MGAT4C: variants seen among roughly 807,000 people sequenced by gnomAD.
MGAT4C encodes alpha-1,3-mannosyl-glycoprotein 4-beta-N-acetylglucosaminyltransferase C.
A neutral mutation model predicts 40.1 loss-of-function variants in MGAT4C; 19 were observed. The observed-to-expected ratio is 0.47, with a 90% CI of 0.33 to 0.70. The LOEUF is 0.70. Ranked by LOEUF, MGAT4C falls within the 30% of genes least tolerant of loss-of-function variation. MGAT4C has a pLI of 0.02. For synonymous variants in MGAT4C, 181 were observed against 187.1 expected (o/e 0.97, Z 0.27); for missense variants, 491 against 563.2 (o/e 0.87, Z 1.30).
chr12:86,606,929 A>C (rs1175459335), intron 2 of MGAT4C, among the ~76,000 whole-genome samples: 1 of 152,132 alleles, frequency 6.6e-6, no homozygotes, highest in Non-Finnish European at 1.5e-5. Flanking sequence ...AGATGGTTCA[A>C]TAATTCATAA....
intron 2 of MGAT4C, among the ~76,000 whole-genome samples, chr12:86,543,551 G>A (rs1168779718): frequency 6.6e-6 from 1 of 151,784 alleles, no homozygotes; most frequent in African/African-American, 2.4e-5. Context: ...ATAGTACTAA[G>A]TACTTTTTCC....
chr12:86,011,930 A>G, intron 2 of MGAT4C: 1 of 876,636 alleles, frequency 1.1e-6, no homozygotes, highest in Non-Finnish European at 1.4e-6. Flanking sequence ...ACAAATGAAG[A>G]TGAGTTACTT....
intron 1 of MGAT4C, among the ~76,000 whole-genome samples, chr12:86,767,227 C>A (rs1268862894): frequency 2.6e-5 from 4 of 152,140 alleles, no homozygotes; most frequent in African/African-American, 4.8e-5. Context: ...TCAGAGAATA[C>A]TACAAACACC....
intron 4 of MGAT4C, among the ~76,000 whole-genome samples, chr12:86,333,815 T>C (rs1954726379): frequency 6.6e-6 from 1 of 152,170 alleles, no homozygotes; most frequent in Admixed American, 6.6e-5. Context: ...TGTAAAACCA[T>C]ATGCCTTAAA....
chr12:86,763,757 A>G (rs953659525), intron 1 of MGAT4C, among the ~76,000 whole-genome samples: 1 of 152,204 alleles, frequency 6.6e-6, no homozygotes, highest in Non-Finnish European at 1.5e-5. Context: ...TAACTGCAGA[A>G]TTCCTGACAC....
intron 2 of MGAT4C, among the ~76,000 whole-genome samples, chr12:86,625,021 C>T (rs1207681492): frequency 4.6e-5 from 7 of 152,014 alleles, no homozygotes; most frequent in Non-Finnish European, 1.0e-4. Context: ...TTTCCCCATG[C>T]TGGTCTCGTG....
intron 2 of MGAT4C, among the ~76,000 whole-genome samples, chr12:86,444,625 C>G (rs1031864574): frequency 1.1e-4 from 16 of 152,176 alleles, no homozygotes; most frequent in African/African-American, 3.9e-4. Flanking sequence ...TCTTCCATAT[C>G]TTAACATGGA....
At chr12:86,783,850 G>A (rs1309296754) in intron 1 of MGAT4C, among the ~76,000 whole-genome samples, 2 of 152,080 alleles carry the variant, frequency 1.3e-5, no homozygotes, top group Admixed American at 6.6e-5. Context: ...TAGTAGTACT[G>A]GCCGACTATT....
rs534086846 is a variant in MGAT4C, at chr12:86,421,279, T to A, written c.-120+13878A>T. On this transcript the variant is annotated intron_variant, in intron 3 of 7. Coordinates refer to the MGAT4C transcript ENST00000548651. Reference sequence around the variant, plus strand: ...ATACCTATGGTTCGGATAATTGTTCTACCCCTTGCTGGTAAAGTGACATTT... The same window carrying A: ...ATACCTATGGTTCGGATAATTGTTCAACCCCTTGCTGGTAAAGTGACATTT... 5.1e-4 allele frequency among the ~76,000 whole-genome samples: 77 copies of A among 152,324 alleles called. 1 individual carries two copies. Among genetic ancestry groups the A allele is most frequent in the African/African-American group, 1.8e-3 (73 of 41,576 alleles).
At chr12:86,332,381 G>T (rs946168216) in intron 4 of MGAT4C, among the ~76,000 whole-genome samples, 1 of 150,120 alleles carries the variant, frequency 6.7e-6, no homozygotes, top group East Asian at 2.0e-4. Context: ...ATGAAGAACG[G>T]ATTTTTTTTT....
chr12:86,035,402 C>A (rs960105401), intron 2 of MGAT4C, among the ~76,000 whole-genome samples: 1 of 149,990 alleles, frequency 6.7e-6, no homozygotes, highest in African/African-American at 2.4e-5. Context: ...CTGTTCATAT[C>A]CTTCACGCAC....
intron 1 of MGAT4C, among the ~76,000 whole-genome samples, chr12:86,761,739 A>T (rs574961347): frequency 6.6e-6 from 1 of 152,194 alleles, no homozygotes; most frequent in African/African-American, 2.4e-5. Flanking sequence ...CTCCATTTTT[A>T]GAGTGCATCC....
intron 1 of MGAT4C, among the ~76,000 whole-genome samples, chr12:86,737,260 C>T (rs1951000685): frequency 6.6e-6 from 1 of 151,104 alleles, no homozygotes; most frequent in Admixed American, 6.6e-5. Context: ...AGTGCTAAGT[C>T]CAATGGTCAA....
intron 3 of MGAT4C, among the ~76,000 whole-genome samples, chr12:86,388,686 T>G (rs918592620): frequency 6.8e-6 from 1 of 147,856 alleles, no homozygotes. Flanking sequence ...TTTTTTTTTT[T>G]TTTTTTTTTT....
intron 1 of MGAT4C, among the ~76,000 whole-genome samples, chr12:86,205,321 A>T (rs1306052650): frequency 1.3e-5 from 1 of 79,856 alleles, no homozygotes; most frequent in Non-Finnish European, 3.0e-5. Flanking sequence ...TGATTCTTGA[A>T]AATTATAGTT....
intron 2 of MGAT4C, among the ~76,000 whole-genome samples, chr12:86,709,386 T>A (rs1202031391): frequency 2.6e-5 from 4 of 152,194 alleles, no homozygotes; most frequent in Non-Finnish European, 5.9e-5. Context: ...AAAAATGTAC[T>A]AATACAAATC....
At chr12:86,203,013 C>CCT (rs1950104605) in intron 1 of MGAT4C, among the ~76,000 whole-genome samples, 1 of 77,052 alleles carries the variant, frequency 1.3e-5, no homozygotes, top group Admixed American at 1.6e-4. Context: ...GTCACATTTT[C>CCT]CTGTGTGTGT....
chr12:86,295,128 T>G (rs2136132527), intron 4 of MGAT4C, among the ~76,000 whole-genome samples: 1 of 152,346 alleles, frequency 6.6e-6, no homozygotes, highest in African/African-American at 2.4e-5. Flanking sequence ...TTATTCAGGC[T>G]TTTAATCTCA....
At chr12:86,469,322 C>T in intron 2 of MGAT4C, among the ~76,000 whole-genome samples, 1 of 152,192 alleles carries the variant, frequency 6.6e-6, no homozygotes, top group South Asian at 2.1e-4. Flanking sequence ...CAGAATATGG[C>T]AAAAGTGATA....
Sources: gnomAD v4.1 joint callset for allele counts (sites outside exome capture counted in the v4.1 genomes callset) on GRCh38, gnomAD v4.1.1 for gene constraint, MANE v1.5 for transcripts, NCBI Gene and HGNC (gene_info 2026-07-23, HGNC 2026-07-21) for gene names.